The following GREB1L variants were observed in gnomAD, a reference collection of about 807,000 sequenced individuals.
The protein encoded by GREB1L is GREB1-like protein.
In GREB1L, 17 loss-of-function variants were observed where a neutral mutation model predicts 200.8. That is an observed-to-expected ratio of 0.08 (90% CI 0.06 to 0.13). The LOEUF is 0.13. Among genes scored for constraint, GREB1L ranks in the 10% least tolerant of loss-of-function variants. The pLI, the probability that GREB1L is intolerant of heterozygous loss-of-function variation, is 1.00. For missense variants in GREB1L, 1,657 were observed against 2,367.7 expected (o/e 0.70, Z 6.23); for synonymous variants, 789 against 893.0 (o/e 0.88, Z 2.08).
At chr18:21,467,317 TG>T (rs1239606802) in intron 15 of GREB1L, among the ~76,000 whole-genome samples, 54 of 152,296 alleles carry the variant, frequency 3.5e-4, no homozygotes, top group African/African-American at 1.3e-3. Context: ...AGCCACAGAA[TG>T]GGAGAAACTA....
rs1175569259 is a variant in GREB1L, at chr18:21,496,551, A to G, written c.3244A>G (p.Lys1082Glu). 2.6e-6 allele frequency: 4 copies of G among 1,551,560 alleles called. No individual in the cohort carries two copies. The African/African-American group carries it at 4.1e-5, about 16-fold the overall frequency. Residue 1082 changes from lysine (K) to glutamate (E), a missense_variant, in exon 21 of 33, where the codon AAA (lysine) becomes GAA (glutamate). Physicochemically the swap from Lys to Glu is moderately conservative, Grantham distance 56. This residue lies in a region of GREB1L where 512 missense variants were observed against 668.3 expected (regional missense o/e 0.77). Coordinates refer to ENST00000424526, the MANE Select transcript of GREB1L (RefSeq NM_001142966.3). ...EVGLACCYVS[K>E]EVIRGPTVAL... ...GGGTCTGGCATGCTGCTATGTCTCAAAAGAGGTCATCCGGGGACCCACTGT... is the reference window on the plus strand; with the variant it reads ...GGGTCTGGCATGCTGCTATGTCTCAGAAGAGGTCATCCGGGGACCCACTGT...
intron 1 of GREB1L, among the ~76,000 whole-genome samples, chr18:21,303,616 G>A (rs1396714915): frequency 2.6e-5 from 4 of 152,172 alleles, no homozygotes; most frequent in African/African-American, 9.7e-5. Context: ...ACTTCAAAAA[G>A]ATCTAAGGTC....
intron 1 of GREB1L, among the ~76,000 whole-genome samples, chr18:21,301,740 C>CT (rs924102408): frequency 6.6e-6 from 1 of 152,134 alleles, no homozygotes; most frequent in African/African-American, 2.4e-5. Flanking sequence ...AACAAACGAA[C>CT]TTTTTTTCAG....
intron 1 of GREB1L, among the ~76,000 whole-genome samples, chr18:21,300,212 G>A (rs1228592920): frequency 6.6e-6 from 1 of 152,290 alleles, no homozygotes; most frequent in South Asian, 2.1e-4. Flanking sequence ...ATGGATCATT[G>A]CAGTTTATGG....
chr18:21,469,476 A>G (rs1390442601), intron 15 of GREB1L, among the ~76,000 whole-genome samples: 1 of 152,116 alleles, frequency 6.6e-6, no homozygotes, highest in Admixed American at 6.5e-5. Flanking sequence ...AAGATATTCG[A>G]GGGTTACTTT....
intron 1 of GREB1L, among the ~76,000 whole-genome samples, chr18:21,315,951 C>A (rs140636708): frequency 4.5e-4 from 68 of 152,176 alleles, no homozygotes; most frequent in Admixed American, 2.0e-3. Flanking sequence ...GACCCTCCCC[C>A]CTGTGGGCCT....
At chr18:21,522,607 T>C (rs1287339201) in intron 32 of GREB1L, 51 bp from the exon 33 acceptor site, 2 of 1,383,922 alleles carry the variant, frequency 1.4e-6, no homozygotes, top group East Asian at 5.3e-5. Context: ...TAAAGTTCTT[T>C]ATAAATTCAA....
chr18:21,318,732 T>A (rs1310495921), intron 1 of GREB1L, among the ~76,000 whole-genome samples: 1 of 152,188 alleles, frequency 6.6e-6, no homozygotes, highest in Non-Finnish European at 1.5e-5. Context: ...CAGATTATAG[T>A]GACAGCTCTT....
chr18:21,440,422 G>T, intron 9 of GREB1L, 34 bp downstream of exon 9: 2 of 1,538,150 alleles, frequency 1.3e-6, no homozygotes, highest in Non-Finnish European at 1.8e-6. Context: ...TTGTAAGTGT[G>T]TTTTTAATTA....
intron 7 of GREB1L, among the ~76,000 whole-genome samples, chr18:21,424,821 A>G (rs993086573): frequency 6.6e-6 from 1 of 152,118 alleles, no homozygotes; most frequent in Non-Finnish European, 1.5e-5. Context: ...TCCCTGTTTC[A>G]TCCCTTTCCT....
At chr18:21,246,132 T>C (rs574688533) in intron 1 of GREB1L, among the ~76,000 whole-genome samples, 1 of 152,230 alleles carries the variant, frequency 6.6e-6, no homozygotes, top group Admixed American at 6.5e-5. Flanking sequence ...TAGTTGTAAA[T>C]GGGTGGGTTC....
intron 1 of GREB1L, among the ~76,000 whole-genome samples, chr18:21,302,151 A>G (rs1219954715): frequency 6.6e-6 from 1 of 152,174 alleles, no homozygotes. Context: ...ATATGTTGAA[A>G]CTAAGGAAAA....
chr18:21,431,537 A>G (rs533694659), intron 7 of GREB1L, among the ~76,000 whole-genome samples: 2 of 152,298 alleles, frequency 1.3e-5, no homozygotes, highest in African/African-American at 2.4e-5. Flanking sequence ...ATGGCCTAAC[A>G]TATAGTCTAT....
chr18:21,254,007 C>A (rs1050424150), intron 1 of GREB1L, among the ~76,000 whole-genome samples: 1 of 144,426 alleles, frequency 6.9e-6, no homozygotes, highest in African/African-American at 2.6e-5. Context: ...TGGTTAATTT[C>A]AAAAACTTTC....
Position 21,291,447 on chromosome 18 carries a change from T to A in GREB1L, c.-120+49054T>A, listed in dbSNP as rs190270926. 4.6e-5 allele frequency among the ~76,000 whole-genome samples: 7 copies of A among 152,352 alleles called. No individual in the cohort carries two copies. The East Asian group carries it at 1.3e-3, about 29-fold the overall frequency. ...TTCCATGTTGAGCTCACGTGTCTGCTTCACCACTGTAGAGTAAGTGCCTTT... is the reference window on the plus strand; with the variant it reads ...TTCCATGTTGAGCTCACGTGTCTGCATCACCACTGTAGAGTAAGTGCCTTT... On this transcript the variant is annotated intron_variant, in intron 1 of 32. Transcript: ENST00000424526.
At chr18:21,450,285 G>A (rs2034455696) in intron 12 of GREB1L, among the ~76,000 whole-genome samples, 1 of 151,128 alleles carries the variant, frequency 6.6e-6, no homozygotes. Context: ...CAGAAAGTTG[G>A]TACACTACAA....
intron 1 of GREB1L, among the ~76,000 whole-genome samples, chr18:21,347,735 G>A (rs1013857089): frequency 2.7e-5 from 4 of 147,878 alleles, no homozygotes; most frequent in African/African-American, 7.5e-5. Flanking sequence ...AGGATTAGGC[G>A]TGAGCCACCA....
At chr18:21,303,652 TC>T (rs1236034425) in intron 1 of GREB1L, among the ~76,000 whole-genome samples, 1 of 152,214 alleles carries the variant, frequency 6.6e-6, no homozygotes, top group Non-Finnish European at 1.5e-5. Flanking sequence ...CTTTGCCACT[TC>T]CGGCCCTATT....
chr18:21,348,282 C>G (rs1157995155), intron 1 of GREB1L, among the ~76,000 whole-genome samples: 1 of 151,850 alleles, frequency 6.6e-6, no homozygotes, highest in Non-Finnish European at 1.5e-5. Context: ...TCATGGTTTC[C>G]TCCTGGACCC....
Sources: allele counts gnomAD v4.1 joint callset (sites outside exome capture counted in the v4.1 genomes callset), GRCh38; gene constraint gnomAD v4.1.1; regional missense constraint gnomAD v4.1.1; transcripts MANE v1.5; gene names NCBI Gene and HGNC (gene_info 2026-07-23, HGNC 2026-07-21).